The following NAALADL2 variants were observed in gnomAD, a reference collection of about 807,000 sequenced individuals.
NAALADL2 encodes the protein N-acetylated alpha-linked acidic dipeptidase like 2.
NAALADL2 carries 76 observed loss-of-function variants against 87.2 expected under a neutral mutation model. The ratio of observed to expected loss-of-function variants is 0.87; its 90% CI spans 0.72 to 1.05. The LOEUF (loss-of-function observed/expected upper bound fraction) is 1.05, where lower values mean the gene tolerates loss of function less well. NAALADL2 is among the 50% of genes least tolerant of loss of function. The pLI is 0.00. For missense variants in NAALADL2, 1,089 were observed against 945.8 expected, an observed-to-expected ratio of 1.15 and a Z score of -1.99; for synonymous variants, 354 against 331.0, an observed-to-expected ratio of 1.07 and a Z score of -0.75.
Position 175,186,687 on chromosome 3 carries a change from G to T in NAALADL2, c.546-47244G>T, listed in dbSNP as rs554720437. The stretch of plus-strand genomic sequence containing the variant: ...TGTCTGGCAAAATGTTCTAATACTT[G>T]CTTGATTTGTCACACTGTGGTGGTC... On this transcript the variant is annotated intron_variant, in intron 2 of 13. Coordinates refer to ENST00000454872, the MANE Select transcript of NAALADL2 (RefSeq NM_207015.3). 2.3e-3 allele frequency among the ~76,000 whole-genome samples: 357 copies of T among 152,122 alleles called. 1 individual carries two copies. Among genetic ancestry groups the T allele is most frequent in the African/African-American group, 7.7e-3 (320 of 41,520 alleles).
At chr3:175,760,583 G>A (rs1747873674) in intron 13 of NAALADL2, among the ~76,000 whole-genome samples, 2 of 152,184 alleles carry the variant, frequency 1.3e-5, no homozygotes, top group South Asian at 4.1e-4. Context: ...ATCAAATCCA[G>A]CAGTGTGAAA....
chr3:174,633,942 G>T (rs1485038144), intron 2 of NAALADL2, among the ~76,000 whole-genome samples: 1 of 152,156 alleles, frequency 6.6e-6, no homozygotes, highest in Non-Finnish European at 1.5e-5. Context: ...TATGATTTTG[G>T]ATAAATTATC....
intron 2 of NAALADL2, among the ~76,000 whole-genome samples, chr3:174,585,826 A>G (rs1284926311): frequency 6.6e-6 from 1 of 152,194 alleles, no homozygotes; most frequent in Non-Finnish European, 1.5e-5. Flanking sequence ...TTTTCTGGTT[A>G]AGAGCACAGA....
chr3:175,517,701 G>C (rs1732051857), intron 9 of NAALADL2, among the ~76,000 whole-genome samples: 1 of 152,060 alleles, frequency 6.6e-6, no homozygotes, highest in Non-Finnish European at 1.5e-5. Flanking sequence ...TAAGGGCATG[G>C]ACACACACAA....
Position 175,162,390 on chromosome 3 carries a change from G to GTATTTT in NAALADL2, c.545+65100_545+65101insATTTTT, listed in dbSNP as rs1733363384. Among the ~76,000 whole-genome samples, 5 of 152,150 alleles carry GTATTTT rather than the reference G, an allele frequency of 3.3e-5. 1 individual carries two copies. The highest frequency in any genetic ancestry group is 1.2e-4 in the African/African-American group (5 of 41,446). ...ACAATAATGCAAACTACAGGTTGAA[G>GTATTTT]TCGTATCAGTATGTTTAATATTTTA... On this transcript the variant is annotated intron_variant, in intron 2 of 13. Transcript: ENST00000454872.
At chr3:175,038,889 C>G (rs1183977155) in intron 1 of NAALADL2, among the ~76,000 whole-genome samples, 1 of 151,770 alleles carries the variant, frequency 6.6e-6, no homozygotes, top group Non-Finnish European at 1.5e-5. Flanking sequence ...GCGTTGGGAC[C>G]AGAGGTATAA....
chr3:175,131,292 C>G (rs1358120307), intron 2 of NAALADL2, among the ~76,000 whole-genome samples: 1 of 151,728 alleles, frequency 6.6e-6, no homozygotes, highest in Non-Finnish European at 1.5e-5. Flanking sequence ...AGGCAGAGGA[C>G]CCTGCGGCCT....
chr3:175,344,929 C>A (rs992153462), intron 5 of NAALADL2, among the ~76,000 whole-genome samples: 1 of 151,954 alleles, frequency 6.6e-6, no homozygotes, highest in African/African-American at 2.4e-5. Context: ...TATTAATCCC[C>A]ACTTTACAGA....
At chr3:175,435,636 C>G (rs1460173795) in intron 5 of NAALADL2, among the ~76,000 whole-genome samples, 1 of 151,968 alleles carries the variant, frequency 6.6e-6, no homozygotes, top group Non-Finnish European at 1.5e-5. Flanking sequence ...GATGGTAACT[C>G]ATATATTATA....
intron 9 of NAALADL2, among the ~76,000 whole-genome samples, chr3:175,512,824 C>T (rs1731341221): frequency 6.6e-6 from 1 of 152,156 alleles, no homozygotes; most frequent in Non-Finnish European, 1.5e-5. Flanking sequence ...ACGTGAAAGG[C>T]GGCCAGCAGA....
At chr3:175,415,722 A>G (rs1316065937) in intron 5 of NAALADL2, among the ~76,000 whole-genome samples, 1 of 152,018 alleles carries the variant, frequency 6.6e-6, no homozygotes, top group Non-Finnish European at 1.5e-5. Flanking sequence ...TTTGTGTGCT[A>G]AATCATTGAT....
At chr3:175,499,067 A>G (rs971879949) in intron 9 of NAALADL2, among the ~76,000 whole-genome samples, 6 of 152,096 alleles carry the variant, frequency 3.9e-5, no homozygotes, top group Non-Finnish European at 5.9e-5. Flanking sequence ...CATACTTATT[A>G]TGCATTTTCT....
intron 3 of NAALADL2, among the ~76,000 whole-genome samples, chr3:174,743,494 G>A (rs6794316): frequency 0.49 from 73,913 of 151,514 alleles, 18,975 homozygotes; most frequent in African/African-American, 0.67. Context: ...TCTGGTAACA[G>A]TTTTGCAGTT....
chr3:175,206,262 A>ATATTTT (rs1157257533), intron 2 of NAALADL2, among the ~76,000 whole-genome samples: 4 of 103,142 alleles, frequency 3.9e-5, no homozygotes, highest in African/African-American at 9.6e-5. Context: ...ATATATATAT[A>ATATTTT]TTTTTTTTTT....
chr3:175,076,015 G>A (rs1438290610), intron 1 of NAALADL2, among the ~76,000 whole-genome samples: 1 of 151,998 alleles, frequency 6.6e-6, no homozygotes, highest in African/African-American at 2.4e-5. Flanking sequence ...ATCACTTGAG[G>A]CCAGGAGTTC....
At chr3:175,407,295 T>C (rs1370186646) in intron 5 of NAALADL2, among the ~76,000 whole-genome samples, 1 of 152,200 alleles carries the variant, frequency 6.6e-6, no homozygotes, top group Non-Finnish European at 1.5e-5. Flanking sequence ...CTATATTATA[T>C]GGTTGATAGG....
chr3:175,576,000 G>C (rs755262823), intron 9 of NAALADL2, 41 bp from the exon 10 acceptor site: 2 of 1,540,254 alleles, frequency 1.3e-6, no homozygotes, highest in Non-Finnish European at 1.8e-6. Context: ...GATGACCTGG[G>C]AAGCATAGTA....
intron 4 of NAALADL2, among the ~76,000 whole-genome samples, chr3:175,304,326 CCCTT>C (rs1403259331): frequency 6.6e-6 from 1 of 152,078 alleles, no homozygotes; most frequent in African/African-American, 2.4e-5. Flanking sequence ...AACATACTGA[CCCTT>C]CTTTCTTTTC....
intron 2 of NAALADL2, among the ~76,000 whole-genome samples, chr3:175,109,074 A>G (rs1723738319): frequency 6.6e-6 from 1 of 151,836 alleles, no homozygotes; most frequent in African/African-American, 2.4e-5. Context: ...TCTGTTTTCG[A>G]TTGTTTAATT....
Sources: allele counts gnomAD v4.1 joint callset (sites outside exome capture counted in the v4.1 genomes callset), GRCh38; gene constraint gnomAD v4.1.1; transcripts MANE v1.5; gene names NCBI Gene and HGNC (gene_info 2026-07-23, HGNC 2026-07-21).